The following GAREM1 variants were observed in gnomAD, a reference collection of about 807,000 sequenced individuals.
GAREM1 encodes the protein GRB2 associated regulator of MAPK1 subtype 1, also known as GRB2-associated and regulator of MAPK protein 1.
In GAREM1, 26 loss-of-function variants were observed where a neutral mutation model predicts 71.3. That is an observed-to-expected ratio of 0.36 (90% CI 0.27 to 0.51). The LOEUF (loss-of-function observed/expected upper bound fraction) is 0.51. Among genes scored for constraint, GAREM1 ranks in the 20% least tolerant of loss-of-function variants. GAREM1 has a pLI of 0.95. For synonymous variants in GAREM1, 440 were observed against 433.2 expected (o/e 1.02, Z -0.20); for missense variants, 1,026 against 1,103.1 (o/e 0.93, Z 0.99).
chr18:32,287,384 C>G lies in GAREM1; in HGVS notation c.1213G>C (p.Gly405Arg). 6.2e-7 allele frequency: 1 copy of G among 1,614,236 alleles called. No homozygotes were observed. Among genetic ancestry groups the G allele is most frequent in the Non-Finnish European group, 8.5e-7 (1 of 1,180,040 alleles). Residue 405 changes from glycine to arginine, a missense_variant, in exon 4 of 6, where the codon GGT (glycine) becomes CGT (arginine). Around this residue, in one of 3 missense-constraint regions of GAREM1, gnomAD observed 636 missense variants for 631.2 expected, o/e 1.01. Transcript: ENST00000269209. This position sits in a 1 kb window ranked among gnomAD's most constrained non-coding sequence, Gnocchi z 5.9. Reference protein sequence around the residue: ...LHGNSEVNLHGCRDLGGDWAP... With the variant: ...LHGNSEVNLHRCRDLGGDWAP... The stretch of plus-strand genomic sequence containing the variant: ...CAATCTCCCCCCAGGTCCCTGCAAC[C>G]ATGAAGGTTCACCTCACTGTTGCCA...
At chr18:32,297,216 A>T (rs2047150347) in intron 3 of GAREM1, among the ~76,000 whole-genome samples, 1 of 152,240 alleles carries the variant, frequency 6.6e-6, no homozygotes, top group Non-Finnish European at 1.5e-5. Context: ...GAAAAGAACC[A>T]TGGCCTTTGG....
At chr18:32,330,255 A>G (rs2047518651) in intron 2 of GAREM1, among the ~76,000 whole-genome samples, 1 of 152,240 alleles carries the variant, frequency 6.6e-6, no homozygotes, top group African/African-American at 2.4e-5. Flanking sequence ...TAATGCAGGT[A>G]CAGAAAACCA....
chr18:32,299,881 G>A (rs933242280), intron 3 of GAREM1, among the ~76,000 whole-genome samples: 1 of 152,032 alleles, frequency 6.6e-6, no homozygotes, highest in Non-Finnish European at 1.5e-5. Flanking sequence ...AACCTTTAAA[G>A]GTTTTAAACA....
chr18:32,378,263 G>A (rs898204361), intron 2 of GAREM1, among the ~76,000 whole-genome samples: 2 of 152,042 alleles, frequency 1.3e-5, no homozygotes, highest in African/African-American at 4.8e-5. Flanking sequence ...ACTTTGAGCG[G>A]CCAAGGCGGG....
chr18:32,300,586 G>A (rs1467710869), intron 3 of GAREM1, among the ~76,000 whole-genome samples: 1 of 152,154 alleles, frequency 6.6e-6, no homozygotes, highest in Non-Finnish European at 1.5e-5. Flanking sequence ...GGCTCTGTCT[G>A]TAGTTTGTTC....
At position 32,268,178 on chromosome 18, in the gene GAREM1, T is replaced by C; in HGVS notation, c.2324A>G (p.Asp775Gly). 6.2e-7 allele frequency: 1 copy of C among 1,614,076 alleles called. No homozygotes were observed. The highest frequency in any genetic ancestry group is 8.5e-7 in the Non-Finnish European group (1 of 1,180,006). ...DQYFVKKGMQDIFSASYPFSS... is the reference protein window; with the variant it reads ...DQYFVKKGMQGIFSASYPFSS... The stretch of plus-strand genomic sequence containing the variant: ...GAAAGGGTAGGAGGCAGAGAAGATG[T>C]CCTGCATGCCCTTTTTAACAAAATA... Residue 775 changes from aspartate (D) to glycine (G), a missense_variant, in exon 6 of 6, where the codon GAC (aspartate) becomes GGC (glycine). Physicochemically the swap from Asp to Gly is moderately conservative, Grantham distance 94. Transcript: ENST00000269209.
At chr18:32,396,396 T>C (rs139453048) in intron 1 of GAREM1, among the ~76,000 whole-genome samples, 10 of 152,204 alleles carry the variant, frequency 6.6e-5, no homozygotes, top group African/African-American at 1.7e-4. Context: ...GCAAAGGAGA[T>C]AAAAACCTTG....
intron 3 of GAREM1, among the ~76,000 whole-genome samples, chr18:32,293,173 A>T (rs1387756971): frequency 6.6e-6 from 1 of 151,986 alleles, no homozygotes; most frequent in African/African-American, 2.4e-5. Context: ...ACACACACAC[A>T]CACGTATATC....
At chr18:32,378,080 G>T (rs2048055325) in intron 2 of GAREM1, among the ~76,000 whole-genome samples, 1 of 150,694 alleles carries the variant, frequency 6.6e-6, no homozygotes. Context: ...TTTGGAGGAG[G>T]GCAGGGTTGA....
chr18:32,271,719 C>T (rs1321905063), intron 4 of GAREM1, among the ~76,000 whole-genome samples: 2 of 152,220 alleles, frequency 1.3e-5, no homozygotes, highest in East Asian at 3.9e-4. Context: ...CCAGCTCTCT[C>T]ACATTTCCTT....
chr18:32,441,712 C>T (rs1157733271), intron 1 of GAREM1, among the ~76,000 whole-genome samples: 3 of 152,178 alleles, frequency 2.0e-5, no homozygotes, highest in Non-Finnish European at 4.4e-5. Flanking sequence ...GCTCCTTCTT[C>T]GGACACAAGC....
chr18:32,284,905 A>G lies in GAREM1; in HGVS notation c.1566+2126T>C, dbSNP rs550316415. Among the ~76,000 whole-genome samples the G allele has an allele frequency of 2.0e-5, 3 of 151,798 alleles. No homozygotes were observed. The East Asian group carries it at 5.8e-4, about 29-fold the overall frequency. ...GCTGGGACTACAGGCGCCCGCCACC[A>G]CGCCCAGCTAATTTGTTGTATTTTT... On this transcript the variant is annotated intron_variant, in intron 4 of 5. Coordinates refer to ENST00000269209, the MANE Select transcript of GAREM1 (RefSeq NM_001242409.2).
intron 2 of GAREM1, among the ~76,000 whole-genome samples, chr18:32,350,542 T>C (rs1019062585): frequency 6.6e-6 from 1 of 152,122 alleles, no homozygotes; most frequent in East Asian, 1.9e-4. Flanking sequence ...CTCAAACTTA[T>C]GATATTTCTG....
intron 2 of GAREM1, among the ~76,000 whole-genome samples, chr18:32,321,786 C>T (rs777562085): frequency 6.6e-5 from 10 of 152,200 alleles, no homozygotes; most frequent in Non-Finnish European, 5.9e-5. Context: ...CCAACCACAG[C>T]ATCTCTCACT....
intron 2 of GAREM1, among the ~76,000 whole-genome samples, chr18:32,374,853 A>G (rs988601428): frequency 6.6e-6 from 1 of 152,264 alleles, no homozygotes; most frequent in Non-Finnish European, 1.5e-5. Context: ...TCAGGAAAGT[A>G]GCAGATATAT....
rs543304180 is a variant in GAREM1, at chr18:32,417,886, T to C, written c.122-24851A>G. On this transcript the variant is annotated intron_variant, in intron 1 of 5. Coordinates refer to ENST00000269209, the MANE Select transcript of GAREM1 (RefSeq NM_001242409.2). ...AAAATAACTAAAAGTATAATTGGAT[T>C]ATTTGTAACACAAAGGAGAAACACT... is the stretch of plus-strand genomic sequence containing the variant. 2.0e-5 allele frequency among the ~76,000 whole-genome samples: 3 copies of C among 152,330 alleles called. No homozygotes were observed. The East Asian group carries it at 5.8e-4, about 29-fold the overall frequency.
chr18:32,352,161 A>AT (rs1364427803), intron 2 of GAREM1, among the ~76,000 whole-genome samples: 1 of 152,194 alleles, frequency 6.6e-6, no homozygotes, highest in East Asian at 1.9e-4. Context: ...TTACAAACAT[A>AT]TGGTATTCCA....
At chr18:32,416,622 G>GA (rs992819949) in intron 1 of GAREM1, among the ~76,000 whole-genome samples, 1 of 152,018 alleles carries the variant, frequency 6.6e-6, no homozygotes, top group Admixed American at 6.6e-5. Flanking sequence ...TACACTGGGG[G>GA]AAACACAGTC....
intron 4 of GAREM1, among the ~76,000 whole-genome samples, chr18:32,278,632 T>C (rs940290623): frequency 2.0e-5 from 3 of 152,192 alleles, no homozygotes; most frequent in Non-Finnish European, 4.4e-5. Flanking sequence ...GCCCTGTATT[T>C]TACATTTCTT....
Sources: gnomAD v4.1 joint callset for allele counts (sites outside exome capture counted in the v4.1 genomes callset) on GRCh38, gnomAD v4.1.1 for gene constraint, gnomAD v4.1.1 regional missense constraint, Gnocchi (gnomAD v3.1) non-coding constraint, MANE v1.5 for transcripts, NCBI Gene and HGNC (gene_info 2026-07-23, HGNC 2026-07-21) for gene names.